CLSTN2: variants seen among roughly 807,000 people sequenced by gnomAD.
CLSTN2 encodes the protein calsyntenin 2.
A neutral mutation model predicts 101.2 loss-of-function variants in CLSTN2; 48 were observed. That is an observed-to-expected ratio of 0.47 (90% CI 0.38 to 0.60). The LOEUF is 0.60. Among genes scored for constraint, CLSTN2 ranks in the 20% least tolerant of loss-of-function variants. The pLI, the probability that CLSTN2 is intolerant of heterozygous loss-of-function variation, is 0.00. For synonymous variants in CLSTN2, 481 were observed against 463.6 expected (o/e 1.04, Z -0.48); for missense variants, 1,160 against 1,238.2 (o/e 0.94, Z 0.95).
intron 5 of CLSTN2, among the ~76,000 whole-genome samples, chr3:140,431,079 C>G (rs1406634083): frequency 3.3e-5 from 5 of 152,142 alleles, no homozygotes; most frequent in African/African-American, 1.2e-4. Flanking sequence ...TTTCAGTTAC[C>G]TTATCTATAA....
intron 5 of CLSTN2, among the ~76,000 whole-genome samples, chr3:140,427,201 A>ATGTGTG (rs1559866696): frequency 9.8e-6 from 1 of 101,976 alleles, no homozygotes; most frequent in African/African-American, 5.8e-5. Flanking sequence ...ATATATATAT[A>ATGTGTG]TATGTGTATA....
intron 8 of CLSTN2, chr3:140,507,603 T>A (rs1201409348): frequency 6.6e-6 from 1 of 152,196 alleles, no homozygotes; most frequent in East Asian, 1.9e-4. Context: ...GCTGTGACAT[T>A]CATCCTCGTC....
intron 4 of CLSTN2, among the ~76,000 whole-genome samples, chr3:140,405,131 T>C (rs542444012): frequency 2.6e-5 from 4 of 152,292 alleles, no homozygotes; most frequent in South Asian, 2.1e-4. Flanking sequence ...CCGTTTCCTA[T>C]GTAATAAGTC....
At chr3:140,351,026 C>T (rs979491337) in intron 2 of CLSTN2, among the ~76,000 whole-genome samples, 1 of 152,160 alleles carries the variant, frequency 6.6e-6, no homozygotes, top group African/African-American at 2.4e-5. Context: ...AAAAGGTACT[C>T]AGGATGCTTC....
At chr3:140,005,555 C>T (rs574008278) in intron 1 of CLSTN2, among the ~76,000 whole-genome samples, 1 of 152,292 alleles carries the variant, frequency 6.6e-6, no homozygotes, top group Admixed American at 6.5e-5. Context: ...AGCCTTTTAC[C>T]TGAAGCTTGA....
intron 1 of CLSTN2, among the ~76,000 whole-genome samples, chr3:140,038,497 G>T (rs2007701725): frequency 6.6e-6 from 1 of 152,000 alleles, no homozygotes; most frequent in Non-Finnish European, 1.5e-5. Flanking sequence ...TAGGTTGTCT[G>T]TTCACTCTGA....
intron 6 of CLSTN2, among the ~76,000 whole-genome samples, chr3:140,456,208 C>CA (rs529308955): frequency 1.5e-3 from 223 of 152,262 alleles, no homozygotes; most frequent in African/African-American, 5.2e-3. Flanking sequence ...TCTATGTTTG[C>CA]AAAATGAGCA....
rs1158958437 is a variant in CLSTN2, at chr3:140,569,177, T to C, written c.*2924T>C. ...GTAATGTGGCTTGCCCTCCCCCAGA[T>C]ATTCTGATCCCAAGAAAAAGGTGTC... is the stretch of plus-strand genomic sequence containing the variant. On this transcript the variant is annotated 3_prime_UTR_variant, in exon 17 of 17. Transcript: ENST00000458420. The C allele has an allele frequency of 1.3e-5, 2 of 152,274 alleles. No homozygotes were observed. Among genetic ancestry groups the C allele is most frequent in the Non-Finnish European group, 2.9e-5 (2 of 68,102 alleles). 9.4% of individuals were successfully genotyped at this position (152,274 alleles called of 1,614,324 possible). A position where few individuals can be genotyped will look rare whatever the true frequency, so the allele number is the denominator to read the frequency against.
intron 1 of CLSTN2, among the ~76,000 whole-genome samples, chr3:139,956,349 C>A (rs1935399727): frequency 6.6e-6 from 1 of 152,166 alleles, no homozygotes; most frequent in Admixed American, 6.5e-5. Context: ...TCCTCCTCTG[C>A]AGATGTGAGT....
rs1358861284 is a variant in CLSTN2, at chr3:140,570,824, T to A, written c.*4571T>A. 6.6e-6 allele frequency: 1 copy of A among 152,224 alleles called. No homozygotes were observed. Among genetic ancestry groups the A allele is most frequent in the African/African-American group, 2.4e-5 (1 of 41,460 alleles). The allele number at this position is 152,224 out of a possible 1,614,324, so 9.4% of individuals were successfully genotyped here. A position where few individuals can be genotyped will look rare whatever the true frequency, so the allele number is the denominator to read the frequency against. On this transcript the variant is annotated 3_prime_UTR_variant, in exon 17 of 17. Transcript: ENST00000458420. ...GTTTGGCAACCCGTACCATACACCATGGAAGTTAGCCTTCCACCTCAGGAG... is the reference window on the plus strand; with the variant it reads ...GTTTGGCAACCCGTACCATACACCAAGGAAGTTAGCCTTCCACCTCAGGAG...
Position 140,526,592 on chromosome 3 carries a change from AAAC to A in CLSTN2, c.1345-5729_1345-5727del, listed in dbSNP as rs201130159. Among the ~76,000 whole-genome samples, 532 of 136,278 alleles carry A rather than the reference AAAC, an allele frequency of 3.9e-3. 4 individuals carry two copies. Among genetic ancestry groups the A allele is most frequent in the African/African-American group, 0.012 (413 of 33,302 alleles). The allele number at this position is 136,278 out of a possible 152,430, so 89.4% of individuals were successfully genotyped here. A position where few individuals can be genotyped will look rare whatever the true frequency, so the allele number is the denominator to read the frequency against. ...ATAAATTTATATGAAACAAACAAAC[AAAC>A]AAAAAAAAAAAACAACCACAGCAAT... is the stretch of plus-strand genomic sequence containing the variant. On this transcript the variant is annotated intron_variant, in intron 8 of 16. Transcript: ENST00000458420.
At chr3:140,317,877 G>A (rs1258230954) in intron 2 of CLSTN2, among the ~76,000 whole-genome samples, 2 of 152,080 alleles carry the variant, frequency 1.3e-5, no homozygotes, top group African/African-American at 4.8e-5. Context: ...ATTACAATAA[G>A]ATCATGCATT....
At chr3:140,562,458 G>A (rs767555386) in intron 13 of CLSTN2, 150 bp downstream of exon 13, 1 of 807,206 alleles carries the variant, frequency 1.2e-6, no homozygotes, top group Non-Finnish European at 1.9e-6. Context: ...TGGATTTCTA[G>A]ACCCTCCTTT....
chr3:140,548,331 C>G (rs570363554), intron 10 of CLSTN2, among the ~76,000 whole-genome samples: 51 of 152,324 alleles, frequency 3.3e-4, no homozygotes, highest in South Asian at 2.1e-3. Context: ...TCCCAAGTAC[C>G]AGACACTGTT....
At chr3:140,046,261 T>G (rs917458351) in intron 1 of CLSTN2, among the ~76,000 whole-genome samples, 1 of 152,216 alleles carries the variant, frequency 6.6e-6, no homozygotes, top group African/African-American at 2.4e-5. Flanking sequence ...CCTTTACCAT[T>G]ATGTAATGGC....
chr3:140,000,362 A>G (rs892979105), intron 1 of CLSTN2, among the ~76,000 whole-genome samples: 1 of 152,234 alleles, frequency 6.6e-6, no homozygotes, highest in Non-Finnish European at 1.5e-5. Flanking sequence ...TAAATAGTTA[A>G]TATACATGTG....
intron 1 of CLSTN2, among the ~76,000 whole-genome samples, chr3:140,115,443 C>T (rs1014649848): frequency 6.6e-6 from 1 of 152,112 alleles, no homozygotes; most frequent in East Asian, 1.9e-4. Flanking sequence ...TGGCCTCTCA[C>T]CCCCACCTCT....
rs147990692 is a variant in CLSTN2, at chr3:140,443,488, T to A, written c.788-5031T>A. On this transcript the variant is annotated intron_variant, in intron 5 of 16. Coordinates refer to ENST00000458420, the MANE Select transcript of CLSTN2 (RefSeq NM_022131.3). ...AGGTAGTTATAATAAAATCATCATC[T>A]TTCTAAGTTCTTAATCCACAAAGAA... Among the ~76,000 whole-genome samples the A allele has an allele frequency of 5.1e-4, 77 of 152,354 alleles. 1 individual carries two copies. The highest frequency in any genetic ancestry group is 1.6e-3 in the African/African-American group (68 of 41,590).
chr3:140,500,907 T>C (rs1934562554), intron 8 of CLSTN2, among the ~76,000 whole-genome samples: 1 of 152,170 alleles, frequency 6.6e-6, no homozygotes, highest in South Asian at 2.1e-4. Flanking sequence ...TAACCCTAAA[T>C]CTGAGAAATG....
Sources: allele counts gnomAD v4.1 joint callset (sites outside exome capture counted in the v4.1 genomes callset), GRCh38; gene constraint gnomAD v4.1.1; transcripts MANE v1.5; gene names NCBI Gene and HGNC (gene_info 2026-07-23, HGNC 2026-07-21).